The following TTN variants were observed in gnomAD, a reference collection of about 807,000 sequenced individuals.
TTN encodes titin.
A neutral mutation model predicts 3,223.0 loss-of-function variants in TTN; 1,525 were observed. That is an observed-to-expected ratio of 0.47 (90% confidence interval 0.45 to 0.49). The LOEUF is 0.49. TTN is among the 20% of genes least tolerant of loss of function. TTN has a pLI of 0.00. For missense variants in TTN, 40,786 were observed against 43,424.0 expected (o/e 0.94, Z 5.40); for synonymous variants, 14,094 against 15,161.0 (o/e 0.93, Z 5.17).
At position 178,712,011 on chromosome 2, in the gene TTN, T is replaced by A; in HGVS notation, c.27819A>T (p.Gly9273=). The change falls in exon 96 of 363, where the codon GGA becomes GGT. Residue 9273 remains glycine (G), a synonymous_variant. Transcript: ENST00000589042. ...VFNQVDINDS[G]EYICKAENSV... is the part of the protein sequence containing the mutation. ...TGTTTTCAGCTTTGCAGATATATTC[T>A]CCACTATCATTAATATCAACCTGGT... is the stretch of plus-strand genomic sequence containing the variant. 2 of 1,613,718 alleles carry A rather than the reference T, an allele frequency of 1.2e-6. No individual in the cohort carries two copies. The highest frequency in any genetic ancestry group is 1.7e-6 in the Non-Finnish European group (2 of 1,179,722).
Position 178,591,010 on chromosome 2 carries a change from C to G in TTN, c.60715G>C (p.Gly20239Arg). Residue 20239 changes from glycine to arginine, a missense_variant, in exon 304 of 363, where the codon GGC (glycine) becomes CGC (arginine). Transcript: ENST00000589042. ...TKLKIPHLQK[G>R]CEYVFRVRAE... ...CTAACTCGGAAAACATATTCACAGC[C>G]CTTCTGCAGATGTGGGATTTTCAGC... is the stretch of plus-strand genomic sequence containing the variant. 6 of 1,613,454 alleles carry G rather than the reference C, an allele frequency of 3.7e-6. No homozygotes were observed. Among genetic ancestry groups the G allele is most frequent in the Non-Finnish European group, 4.2e-6 (5 of 1,179,554 alleles).
chr2:178,667,995 T>C (rs1422166524), intron 159 of TTN, among the ~76,000 whole-genome samples: 1 of 152,134 alleles, frequency 6.6e-6, no homozygotes, highest in East Asian at 1.9e-4. Context: ...AAGAAAGTTA[T>C]TGGTAAAATT....
At chr2:178,770,914 C>T (rs769022780) in intron 34 of TTN, 44 of 792,562 alleles carry the variant, frequency 5.6e-5, no homozygotes, top group Non-Finnish European at 9.1e-5. Flanking sequence ...GTTTGCATAG[C>T]TATGTATTAG....
Position 178,568,574 on chromosome 2 carries a change from G to C in TTN, c.77558C>G (p.Thr25853Ser). ...ATGAGTTTCTTTAATACTGAGTGTGGTGAGATCCAGTGAATCGGTAACATT... is the reference window on the plus strand; with the variant it reads ...ATGAGTTTCTTTAATACTGAGTGTGCTGAGATCCAGTGAATCGGTAACATT... ...RINVTDSLDL[T>S]TLSIKETHKD... Residue 25853 changes from threonine to serine, a missense_variant, in exon 326 of 363, where the codon ACC becomes AGC. Transcript: ENST00000589042. 6.2e-7 allele frequency: 1 copy of C among 1,613,418 alleles called. No individual in the cohort carries two copies. The highest frequency in any genetic ancestry group is 1.1e-5 in the South Asian group (1 of 91,056).
intron 20 of TTN, among the ~76,000 whole-genome samples, chr2:178,781,575 T>C (rs997446962): frequency 1.3e-5 from 2 of 151,298 alleles, no homozygotes; most frequent in African/African-American, 4.8e-5. Flanking sequence ...ATTTTCTCTT[T>C]GTTCGTTATT....
intron 3 of TTN, among the ~76,000 whole-genome samples, chr2:178,801,770 G>T (rs758072085): frequency 1.3e-5 from 2 of 152,156 alleles, no homozygotes; most frequent in African/African-American, 2.4e-5. Context: ...GCTTGTTAAA[G>T]TGTGAATTCC....
chr2:178,689,082 G>A lies in TTN; in HGVS notation c.32066C>T (p.Pro10689Leu). 6.2e-7 allele frequency: 1 copy of A among 1,611,872 alleles called. No homozygotes were observed. The highest frequency in any genetic ancestry group is 8.5e-7 in the Non-Finnish European group (1 of 1,179,534). The change falls in exon 125 of 363, where the codon CCT becomes CTT. Residue 10689 changes from proline (P) to leucine (L), a missense_variant. By Grantham distance (98) the Pro-to-Leu change is moderately conservative. Coordinates refer to ENST00000589042, the MANE Select transcript of TTN (RefSeq NM_001267550.2). ...GGGAGGAGGAGCTTTCTTAGCGACA[G>A]GAACTGGCACTGCAACTTTCTCCTC... ...VPEEKVAVPV[P>L]VAKKAPPPRA...
At position 178,712,892 on chromosome 2, in the gene TTN, T is replaced by C; in HGVS notation, c.27133A>G (p.Thr9045Ala). Reference sequence around the variant, plus strand: ...AACCAGCTAACACTGAAAGGAGGTGTTCCTTTTACGATACTTGTGAAAGTT... The same window carrying C: ...AACCAGCTAACACTGAAAGGAGGTGCTCCTTTTACGATACTTGTGAAAGTT... ...NVTFTSIVKG[T>A]PPFSVSWFKG... Residue 9045 changes from threonine (T) to alanine (A), a missense_variant, in exon 94 of 363, where the codon ACA becomes GCA. Coordinates refer to ENST00000589042, the MANE Select transcript of TTN (RefSeq NM_001267550.2). 6.2e-7 allele frequency: 1 copy of C among 1,613,592 alleles called. No homozygotes were observed. The highest frequency in any genetic ancestry group is 8.5e-7 in the Non-Finnish European group (1 of 1,179,702).
chr2:178,563,817 C>A lies in TTN; in HGVS notation c.82315G>T (p.Glu27439Ter). 1 of 1,613,696 alleles carries A rather than the reference C, an allele frequency of 6.2e-7. No homozygotes were observed. Among genetic ancestry groups the A allele is most frequent in the Non-Finnish European group, 8.5e-7 (1 of 1,179,742 alleles). Residue 27439 changes from glutamate to a stop codon, truncating the protein, a stop_gained, in exon 326 of 363, where the codon GAG becomes TAG. Coordinates refer to ENST00000589042, the MANE Select transcript of TTN (RefSeq NM_001267550.2). LOFTEE classifies it high-confidence loss of function. This position sits in a 1 kb window ranked among gnomAD's most constrained non-coding sequence, Gnocchi z 4.5. ...ACAGCCATGACACGGAAAATGTACT[C>A]ATTACCAGGAAGAAGTTTAGTAACT... ...YKVTKLLPGN[E>*]YIFRVMAVNK...
intron 52 of TTN, 93 bp downstream of exon 52, chr2:178,734,235 G>C: frequency 2.1e-6 from 3 of 1,421,874 alleles, no homozygotes; most frequent in Non-Finnish European, 2.8e-6. Context: ...TTAAAGGATA[G>C]GACAAGAGAA....
chr2:178,599,940 C>T, intron 288 of TTN, 90 bp from the exon 289 acceptor site: 1 of 1,230,360 alleles, frequency 8.1e-7, no homozygotes, highest in Non-Finnish European at 1.1e-6. Flanking sequence ...TTGTTTGGAT[C>T]CACTGTAGGC....
At position 178,561,210 on chromosome 2, in the gene TTN, G is replaced by T. The variant is rs794729516; in HGVS notation, c.84922C>A (p.Gln28308Lys). The T allele has an allele frequency of 9.9e-6, 16 of 1,613,482 alleles. No homozygotes were observed. Among genetic ancestry groups the T allele is most frequent in the Non-Finnish European group, 1.4e-5 (16 of 1,179,790 alleles). The change falls in exon 326 of 363, where the codon CAA becomes AAA. Residue 28308 changes from glutamine (Q) to lysine (K), a missense_variant. By Grantham distance (53) the Gln-to-Lys change is moderately conservative (BLOSUM62 1). Coordinates refer to ENST00000589042, the MANE Select transcript of TTN (RefSeq NM_001267550.2). ...RWLKCNYTNIQETYFEVTELT... is the reference protein window; with the variant it reads ...RWLKCNYTNIKETYFEVTELT... ...TCAGTTACTTCAAAGTATGTTTCTTGTATATTAGTATAATTGCACTTCAGC... is the reference window on the plus strand; with the variant it reads ...TCAGTTACTTCAAAGTATGTTTCTTTTATATTAGTATAATTGCACTTCAGC...
At position 178,710,646 on chromosome 2, in the gene TTN, A is replaced by G. The variant is rs1378540444; in HGVS notation, c.28451T>C (p.Leu9484Pro). ...AAAATAAACGATACCTTTTATATTC[A>G]GCTGAGCTGTGCAAGAGTCTTTTCC... ...EVGKDSCTAQ[L>P]NIKERLIPPS... Residue 9484 changes from leucine to proline, a missense_variant, in exon 98 of 363, where the codon CTG becomes CCG. Leu to Pro is a moderately conservative substitution (Grantham distance 98). Coordinates refer to ENST00000589042, the MANE Select transcript of TTN (RefSeq NM_001267550.2). 1.2e-6 allele frequency: 2 copies of G among 1,609,232 alleles called. No individual in the cohort carries two copies. Among genetic ancestry groups the G allele is most frequent in the African/African-American group, 1.3e-5 (1 of 74,770 alleles).
In TTN at chr2:178,612,288, T is replaced by G. The variant is rs1367329297; in HGVS notation, c.50237A>C (p.Lys16746Thr). Residue 16746 changes from lysine to threonine, a missense_variant, in exon 266 of 363, where the codon AAA becomes ACA. Transcript: ENST00000589042. Reference sequence around the variant, plus strand: ...GTGCAAGAGCATACTAAAGGTGTCTTTGGCCAGCACAGAGTCCTCAATTTC... The same window carrying G: ...GTGCAAGAGCATACTAAAGGTGTCTGTGGCCAGCACAGAGTCCTCAATTTC... ...YTEIEDSVLA[K>T]DTFTTPGPPY... 1.2e-6 allele frequency: 2 copies of G among 1,612,118 alleles called. No individual in the cohort carries two copies. The highest frequency in any genetic ancestry group is 1.7e-6 in the Non-Finnish European group (2 of 1,179,086).
intron 111 of TTN, among the ~76,000 whole-genome samples, chr2:178,700,113 A>T (rs2074697971): frequency 6.6e-6 from 1 of 152,224 alleles, no homozygotes; most frequent in Non-Finnish European, 1.5e-5. Flanking sequence ...CAAATCATTC[A>T]TTAACATAAG....
Position 178,636,000 on chromosome 2 carries a change from G to T in TTN, c.41571C>A (p.Ala13857=), listed in dbSNP as rs1357782277. The T allele has an allele frequency of 6.2e-7, 1 of 1,609,870 alleles. No individual in the cohort carries two copies. Among genetic ancestry groups the T allele is most frequent in the African/African-American group, 1.3e-5 (1 of 74,804 alleles). ...CGCAAGATGAACACTCCAGGTTGTT[G>T]GCGTTTTCCACAGTAACTGTGTATG... The part of the protein sequence containing the change: ...AGTYTVTVEN[A]NNLECSSCVK... Residue 13857 remains alanine, a synonymous_variant, in exon 226 of 363, where the codon GCC becomes GCA. Coordinates refer to ENST00000589042, the MANE Select transcript of TTN (RefSeq NM_001267550.2).
chr2:178,667,539 A>G lies in TTN; in HGVS notation c.35630-14T>C. On this transcript the variant is annotated splice_polypyrimidine_tract_variant and intron_variant, in intron 160 of 362. Coordinates refer to ENST00000589042, the MANE Select transcript of TTN (RefSeq NM_001267550.2). Reference sequence around the variant, plus strand: ...GTGGCTCAGGCACTTAAAAGATATGAGTATAGTTATATTTATAAATGGTGA... The same window carrying G: ...GTGGCTCAGGCACTTAAAAGATATGGGTATAGTTATATTTATAAATGGTGA... 6.3e-7 allele frequency: 1 copy of G among 1,588,364 alleles called. No homozygotes were observed. The highest frequency in any genetic ancestry group is 8.5e-7 in the Non-Finnish European group (1 of 1,175,578).
intron 209 of TTN, 37 bp from the exon 210 acceptor site, chr2:178,650,308 G>C: frequency 6.7e-7 from 1 of 1,497,064 alleles, no homozygotes. Flanking sequence ...TCAATGTATG[G>C]AACAATATTC....
In TTN at chr2:178,587,753, C is replaced by T; in HGVS notation, c.63556G>A (p.Val21186Met). 1 of 1,610,338 alleles carries T rather than the reference C, an allele frequency of 6.2e-7. No homozygotes were observed. Among genetic ancestry groups the T allele is most frequent in the South Asian group, 1.1e-5 (1 of 90,712 alleles). Reference sequence around the variant, plus strand: ...AGACGAATAGGGCATCCTGCTCTCACTATGACCAGTTTCCTCATGCTGGCA... The same window carrying T: ...AGACGAATAGGGCATCCTGCTCTCATTATGACCAGTTTCCTCATGCTGGCA... Reference protein sequence around the residue: ...LDASMRKLVIVRAGCPIRLFA... With the variant: ...LDASMRKLVIMRAGCPIRLFA... The change falls in exon 306 of 363, where the codon GTG becomes ATG. Residue 21186 changes from valine (V) to methionine (M), a missense_variant. Transcript: ENST00000589042.
Sources: allele counts gnomAD v4.1 joint callset (sites outside exome capture counted in the v4.1 genomes callset), GRCh38; gene constraint gnomAD v4.1.1; non-coding constraint Gnocchi (gnomAD v3.1); transcripts MANE v1.5; gene names NCBI Gene and HGNC (gene_info 2026-07-23, HGNC 2026-07-21).